Variants in CNKSR2 observed in about 807,000 individuals in gnomAD.
CNKSR2 encodes the protein connector enhancer of kinase suppressor of Ras 2.
CNKSR2 carries 14 observed loss-of-function variants against 84.4 expected under a neutral mutation model. The observed-to-expected ratio is 0.17, with a 90% CI of 0.11 to 0.26. The LOEUF (loss-of-function observed/expected upper bound fraction) is 0.26, where lower values mean the gene tolerates loss of function less well. CNKSR2 is among the 10% of genes least tolerant of loss of function. The pLI is 1.00. For synonymous variants in CNKSR2, 275 were observed against 277.9 expected (o/e 0.99, Z 0.10); for missense variants, 485 against 771.2 (o/e 0.63, Z 4.40).
At chrX:21,517,157 G>T (rs2091735613) in intron 9 of CNKSR2, among the ~76,000 whole-genome samples, 1 of 110,968 alleles carries the variant, frequency 9.0e-6, no homozygotes, top group African/African-American at 3.3e-5. Context: ...GGCTGAGGTG[G>T]GTGGATCACT....
At chrX:21,415,831 T>TACAC (rs1186167941) in intron 1 of CNKSR2, among the ~76,000 whole-genome samples, 2 of 52,389 alleles carry the variant, frequency 3.8e-5, no homozygotes, top group African/African-American at 1.6e-4. Context: ...TATATACATA[T>TACAC]ATACACACAC....
intron 4 of CNKSR2, among the ~76,000 whole-genome samples, chrX:21,459,860 C>T (rs1386655520): frequency 3.6e-5 from 4 of 111,192 alleles, no homozygotes; most frequent in Middle Eastern, 4.2e-3. Context: ...TCAACTACTC[C>T]ATCTCCATTA....
chrX:21,590,913 A>C (rs907887106), intron 14 of CNKSR2, 109 bp from the exon 15 acceptor site: 45 of 665,752 alleles, frequency 6.8e-5, no homozygotes, highest in Non-Finnish European at 9.6e-5. Flanking sequence ...CTAATACAAT[A>C]TAAAAATTTT....
chrX:21,645,483 T>C (rs922324726), intron 20 of CNKSR2: 2 of 112,379 alleles, frequency 1.8e-5, no homozygotes, highest in African/African-American at 6.5e-5. Context: ...ATAGCAGTGA[T>C]ACAGTTCCTC....
intron 20 of CNKSR2, among the ~76,000 whole-genome samples, chrX:21,618,099 C>G (rs763507581): frequency 1.9e-4 from 21 of 111,038 alleles, no homozygotes; most frequent in Non-Finnish European, 3.8e-4. Context: ...GCAAGTCCAG[C>G]CTTCAAAAGG....
At chrX:21,420,689 T>C (rs951099733) in intron 1 of CNKSR2, among the ~76,000 whole-genome samples, 1 of 110,931 alleles carries the variant, frequency 9.0e-6, no homozygotes, top group Non-Finnish European at 1.9e-5. Context: ...ATCCAGGAGC[T>C]TGGGCCTGGA....
chrX:21,504,857 G>GA (rs1272718677), intron 8 of CNKSR2: 2 of 293,019 alleles, frequency 6.8e-6, no homozygotes, highest in Admixed American at 6.2e-5. Flanking sequence ...ATAGGAAGAA[G>GA]AAAAAATCAT....
At chrX:21,497,728 A>G (rs1001326329) in intron 6 of CNKSR2, 59 bp from the exon 7 acceptor site, 17 of 583,493 alleles carry the variant, frequency 2.9e-5, no homozygotes, top group African/African-American at 6.7e-5. Flanking sequence ...CGAGGTTACA[A>G]TGTACTTGAA....
At chrX:21,443,299 CAG>C (rs923628174) in intron 4 of CNKSR2, among the ~76,000 whole-genome samples, 5 of 111,565 alleles carry the variant, frequency 4.5e-5, no homozygotes, top group Admixed American at 1.9e-4. Flanking sequence ...AAATAAATGT[CAG>C]AGATTTTTTT....
chrX:21,467,979 G>A (rs2091150254), intron 4 of CNKSR2, among the ~76,000 whole-genome samples: 1 of 111,385 alleles, frequency 9.0e-6, no homozygotes, highest in Admixed American at 9.6e-5. Context: ...CCTGTTGAAT[G>A]TTAATAAAAA....
At chrX:21,493,596 T>C (rs766836140) in intron 6 of CNKSR2, 10 of 111,852 alleles carry the variant, frequency 8.9e-5, no homozygotes, top group Non-Finnish European at 1.7e-4. Context: ...TTTGATGAAA[T>C]GGAAAGCCAT....
chrX:21,539,095 C>A (rs2091954431), intron 11 of CNKSR2: 1 of 112,525 alleles, frequency 8.9e-6, no homozygotes, highest in Non-Finnish European at 1.9e-5. Flanking sequence ...GTTTTCTATG[C>A]CTTTGCCCAT....
chrX:21,428,039 G>T (rs1229404393), intron 2 of CNKSR2: 2 of 111,919 alleles, frequency 1.8e-5, no homozygotes, highest in Non-Finnish European at 3.8e-5. Context: ...TGTGCAGAAT[G>T]GGAAGTGATG....
intron 19 of CNKSR2, among the ~76,000 whole-genome samples, chrX:21,607,296 G>T (rs185998582): frequency 1.8e-5 from 2 of 111,383 alleles, no homozygotes; most frequent in African/African-American, 6.5e-5. Context: ...AGATATTTTT[G>T]CATGTAGCTT....
rs777809329 is a variant in CNKSR2 at position 21,609,201 on chromosome X, G to A, written c.2276G>A (p.Arg759His). The change falls in exon 20 of 22, where the codon CGC becomes CAC. Residue 759 changes from arginine to histidine, a missense_variant. By Grantham distance (29) the Arg-to-His change is conservative. This residue lies in a region of CNKSR2 where 210 missense variants were observed against 291.5 expected (regional missense o/e 0.72). Coordinates refer to ENST00000379510, the MANE Select transcript of CNKSR2 (RefSeq NM_014927.5). ...GGGAGCAGTGCAGTGTCTCCCATTC[G>A]CAAGACAGCCAGTCAGCGCCGCTCC... Reference protein sequence around the residue: ...VTGSSAVSPIRKTASQRRSWQ... With the variant: ...VTGSSAVSPIHKTASQRRSWQ... The A allele has an allele frequency of 8.3e-7, 1 of 1,209,081 alleles. No individual in the cohort carries two copies. Among genetic ancestry groups the A allele is most frequent in the South Asian group, 1.8e-5 (1 of 56,728 alleles).
At chrX:21,582,664 A>C (rs946982292) in intron 13 of CNKSR2, among the ~76,000 whole-genome samples, 8 of 112,161 alleles carry the variant, frequency 7.1e-5, no homozygotes, top group Non-Finnish European at 1.3e-4. Flanking sequence ...TATAAGGATT[A>C]AAATGGATCA....
intron 1 of CNKSR2, among the ~76,000 whole-genome samples, chrX:21,421,579 G>T (rs978011191): frequency 2.7e-5 from 3 of 111,206 alleles, no homozygotes; most frequent in Non-Finnish European, 5.7e-5. Context: ...ATGAACATAG[G>T]TGTACAACTA....
At chrX:21,387,838 A>G (rs2089991873) in intron 1 of CNKSR2, among the ~76,000 whole-genome samples, 1 of 111,786 alleles carries the variant, frequency 8.9e-6, no homozygotes, top group Non-Finnish European at 1.9e-5. Flanking sequence ...ATAAAATAAT[A>G]TGGGTTTCTA....
intron 1 of CNKSR2, among the ~76,000 whole-genome samples, chrX:21,381,544 A>T (rs2089899258): frequency 1.8e-5 from 2 of 112,305 alleles, no homozygotes; most frequent in Non-Finnish European, 3.8e-5. Context: ...TTGAAAATAA[A>T]TCTCATCCGA....
Sources: allele counts gnomAD v4.1 joint callset (sites outside exome capture counted in the v4.1 genomes callset), GRCh38; gene constraint gnomAD v4.1.1; regional missense constraint gnomAD v4.1.1; transcripts MANE v1.5; gene names NCBI Gene and HGNC (gene_info 2026-07-23, HGNC 2026-07-21).